Variants in RGS6 observed in about 807,000 individuals in gnomAD.
The protein encoded by RGS6 is regulator of G protein signaling 6.
A neutral mutation model predicts 78.5 loss-of-function variants in RGS6; 30 were observed. The ratio of observed to expected loss-of-function variants is 0.38; its 90% confidence interval spans 0.29 to 0.52. The LOEUF is 0.52. RGS6 is among the 20% of genes least tolerant of loss of function. RGS6 has a pLI of 0.85. For synonymous variants in RGS6, 206 were observed against 206.0 expected (o/e 1.00, Z 0.00); for missense variants, 495 against 609.7 (o/e 0.81, Z 1.98).
intron 1 of RGS6, among the ~76,000 whole-genome samples, chr14:71,933,937 C>T (rs2088440569): frequency 6.6e-6 from 1 of 152,000 alleles, no homozygotes; most frequent in African/African-American, 2.4e-5. Context: ...TATGGTCTGT[C>T]AAAAAGTGTT....
At chr14:72,485,277 G>A (rs761988059) in intron 12 of RGS6, among the ~76,000 whole-genome samples, 59 of 152,084 alleles carry the variant, frequency 3.9e-4, no homozygotes, top group Non-Finnish European at 6.0e-4. Context: ...CACACCCAGC[G>A]GTTGGAGGAC....
In RGS6 at chr14:72,562,580, G is replaced by A. The variant is rs72547272; in HGVS notation, c.*113G>A. ...GAGGAGACTTGGTCACTGTGAAGGAGAAAGAGTGAGGGCAATGAAGGGCGA... is the reference window on the plus strand; with the variant it reads ...GAGGAGACTTGGTCACTGTGAAGGAAAAAGAGTGAGGGCAATGAAGGGCGA... On this transcript the variant is annotated 3_prime_UTR_variant, in exon 18 of 18. Coordinates refer to ENST00000553525, the MANE Select transcript of RGS6 (RefSeq NM_001204424.2). 1,777 of 1,553,774 alleles carry A rather than the reference G, an allele frequency of 1.1e-3. 19 individuals carry two copies. The African/African-American group carries it at 0.021, about 18-fold the overall frequency.
chr14:71,919,521 T>C, the RGS6 span, among the ~76,000 whole-genome samples: 1 of 152,106 alleles, frequency 6.6e-6, no homozygotes, highest in African/African-American at 2.4e-5. Context: ...AGGAAGTTAA[T>C]ATTTGAAATT....
chr14:71,972,169 C>T (rs778819122), intron 2 of RGS6, among the ~76,000 whole-genome samples: 1 of 151,930 alleles, frequency 6.6e-6, no homozygotes, highest in Non-Finnish European at 1.5e-5. Context: ...CAATTTTGGA[C>T]ATATTATCCC....
intron 2 of RGS6, among the ~76,000 whole-genome samples, chr14:72,318,870 G>T (rs1214979930): frequency 6.6e-6 from 1 of 152,218 alleles, no homozygotes; most frequent in Non-Finnish European, 1.5e-5. Context: ...GCAGTCCATT[G>T]TTGTGGCACT....
chr14:72,223,147 A>T (rs2047271336), intron 2 of RGS6, among the ~76,000 whole-genome samples: 2 of 152,208 alleles, frequency 1.3e-5, no homozygotes. Context: ...CTTCACAATG[A>T]GTGTGGAAAA....
At chr14:72,082,009 G>C (rs1229043750) in intron 2 of RGS6, among the ~76,000 whole-genome samples, 1 of 151,824 alleles carries the variant, frequency 6.6e-6, no homozygotes. Context: ...AAAATGCCTA[G>C]AAGACTGGAG....
At chr14:71,874,920 G>A in the RGS6 span, among the ~76,000 whole-genome samples, 1 of 152,108 alleles carries the variant, frequency 6.6e-6, no homozygotes, top group African/African-American at 2.4e-5. Context: ...TTTGTCTTTG[G>A]TTCTGTTTAT....
chr14:72,387,824 G>T (rs1030595024), intron 3 of RGS6, among the ~76,000 whole-genome samples: 4 of 152,048 alleles, frequency 2.6e-5, no homozygotes, highest in Non-Finnish European at 5.9e-5. Context: ...AGTTCTGGAG[G>T]CTCAGAATCC....
chr14:72,383,211 T>TACAC (rs1377005500), intron 3 of RGS6, among the ~76,000 whole-genome samples: 69 of 126,504 alleles, frequency 5.5e-4, no homozygotes, highest in Admixed American at 2.2e-3. Flanking sequence ...TATATATATA[T>TACAC]ATACACACAA....
intron 2 of RGS6, among the ~76,000 whole-genome samples, chr14:72,231,318 G>A (rs191865536): frequency 2.2e-4 from 33 of 152,324 alleles, no homozygotes; most frequent in Admixed American, 1.6e-3. Context: ...TAATTGTCAA[G>A]GAACTGACAC....
intron 2 of RGS6, among the ~76,000 whole-genome samples, chr14:72,100,316 C>T (rs2095501454): frequency 6.6e-6 from 1 of 151,770 alleles, no homozygotes. Flanking sequence ...ACCAGCCTGG[C>T]CAACATGGTG....
chr14:72,447,789 A>G (rs1597653204), intron 3 of RGS6, among the ~76,000 whole-genome samples: 1 of 151,790 alleles, frequency 6.6e-6, no homozygotes. Flanking sequence ...TACAACCTCC[A>G]CCTCGCGGGT....
rs1450754053 is a variant in RGS6 at position 72,279,764 on chromosome 14, CAAAG to C, written c.85-72326_85-72323del. 4.6e-5 allele frequency among the ~76,000 whole-genome samples: 7 copies of C among 151,970 alleles called. No individual in the cohort carries two copies. The South Asian group carries it at 6.2e-4, about 14-fold the overall frequency. On this transcript the variant is annotated intron_variant, in intron 2 of 17. Transcript: ENST00000553525. The stretch of plus-strand genomic sequence containing the variant: ...TTCAGAGTTAAAGACATGAGAATGA[CAAAG>C]AAAGGACAAGGGTGGCAATTGAGAT...
chr14:72,283,922 T>C (rs2062019109), intron 2 of RGS6, among the ~76,000 whole-genome samples: 2 of 152,148 alleles, frequency 1.3e-5, no homozygotes, highest in African/African-American at 4.8e-5. Flanking sequence ...GAAGTCCAGA[T>C]TGAGGTGTTC....
intron 2 of RGS6, among the ~76,000 whole-genome samples, chr14:72,346,334 G>A (rs1241787531): frequency 6.6e-6 from 1 of 152,162 alleles, no homozygotes; most frequent in African/African-American, 2.4e-5. Flanking sequence ...GTTTCTGTTA[G>A]GAGTGTCACG....
At chr14:72,465,426 AG>A in intron 6 of RGS6, among the ~76,000 whole-genome samples, 1 of 148,174 alleles carries the variant, frequency 6.7e-6, no homozygotes, top group Non-Finnish European at 1.5e-5. Context: ...TATAGAGGTC[AG>A]GGGTCATGAG....
intron 2 of RGS6, among the ~76,000 whole-genome samples, chr14:72,286,161 T>G (rs1595325636): frequency 1.3e-5 from 2 of 152,352 alleles, no homozygotes; most frequent in East Asian, 3.9e-4. Context: ...CATTTAAGTC[T>G]TTAACTTACT....
intron 2 of RGS6, among the ~76,000 whole-genome samples, chr14:72,247,833 G>T (rs2054611266): frequency 6.6e-6 from 1 of 152,136 alleles, no homozygotes; most frequent in South Asian, 2.1e-4. Flanking sequence ...GCCTTTCACT[G>T]TGGGATAACA....
Sources: allele counts gnomAD v4.1 joint callset (sites outside exome capture counted in the v4.1 genomes callset), GRCh38; gene constraint gnomAD v4.1.1; transcripts MANE v1.5; gene names NCBI Gene and HGNC (gene_info 2026-07-23, HGNC 2026-07-21).